Variants in CPSF4 observed in about 807,000 individuals in gnomAD.
The protein encoded by CPSF4 is cleavage and polyadenylation specific factor 4.
In CPSF4, 11 loss-of-function variants were observed where a neutral mutation model predicts 37.7. That is an observed-to-expected ratio of 0.29 (90% CI 0.18 to 0.48). The LOEUF is 0.48. Ranked by LOEUF, CPSF4 falls within the 20% of genes least tolerant of loss-of-function variation. CPSF4 has a pLI of 0.99. For synonymous variants in CPSF4, 132 were observed against 135.9 expected (o/e 0.97, Z 0.20); for missense variants, 144 against 359.5 (o/e 0.40, Z 4.85).
At chr7:99,443,547 T>G in intron 1 of CPSF4, 1 of 624,196 alleles carries the variant, frequency 1.6e-6, no homozygotes, top group South Asian at 1.7e-5. Context: ...TGGGGTGGGG[T>G]GCGGTGGCTC....
At chr7:99,446,978 A>G (rs922705908) in intron 2 of CPSF4, among the ~76,000 whole-genome samples, 3 of 150,428 alleles carry the variant, frequency 2.0e-5, no homozygotes, top group South Asian at 2.1e-4. Context: ...TTTAGTAGAG[A>G]CAGGGTTTCA....
intron 2 of CPSF4, among the ~76,000 whole-genome samples, chr7:99,447,579 T>C (rs910879769): frequency 6.7e-6 from 1 of 149,318 alleles, no homozygotes; most frequent in Non-Finnish European, 1.5e-5. Context: ...ATCTGTGAGA[T>C]CATGAGTAAC....
chr7:99,441,283 G>T lies in CPSF4; in HGVS notation c.103+2098G>T, dbSNP rs537124694. The T allele has an allele frequency of 1.7e-3, 691 of 402,454 alleles. 4 individuals are homozygous for T. Among genetic ancestry groups the T allele is most frequent in the African/African-American group, 0.012 (599 of 49,118 alleles). 24.9% of individuals were successfully genotyped at this position (402,454 alleles called of 1,614,324 possible). ...TCCTGTCTTGATGGCACTAGCTTGA[G>T]ACCATGGAACCACCCACGCAGGGCA... On this transcript the variant is annotated intron_variant, in intron 1 of 7. Transcript: ENST00000292476.
chr7:99,440,682 T>A (rs1321145194), intron 1 of CPSF4, among the ~76,000 whole-genome samples: 47 of 99,732 alleles, frequency 4.7e-4, no homozygotes, highest in African/African-American at 1.6e-3. Context: ...ATATTTTTTT[T>A]TTTTTTTTTT....
rs1056058652 is a variant in CPSF4, at chr7:99,453,846, G to A, written c.571-120G>A. 9 of 908,562 alleles carry A rather than the reference G, an allele frequency of 9.9e-6. No individual in the cohort carries two copies. Among genetic ancestry groups the A allele is most frequent in the South Asian group, 1.6e-5 (1 of 62,598 alleles). The allele number at this position is 908,562 out of a possible 1,614,324, so 56.3% of individuals were successfully genotyped here. On this transcript the variant is annotated intron_variant, in intron 6 of 7. Transcript: ENST00000292476. The surrounding 1 kb of genome is among the most constrained non-coding windows in gnomAD (Gnocchi z 4.7). Reference sequence around the variant, plus strand: ...GCCCACTGTCCTGAGGTGGGCCGTCGTGGAAGCCCTGCTTCCTGCCGTTTG... The same window carrying A: ...GCCCACTGTCCTGAGGTGGGCCGTCATGGAAGCCCTGCTTCCTGCCGTTTG...
chr7:99,444,719 A>G (rs1797330471), intron 1 of CPSF4, 70 bp from the exon 2 acceptor site: 1 of 1,457,156 alleles, frequency 6.9e-7, no homozygotes, highest in Non-Finnish European at 9.6e-7. Context: ...GTTCCCTCCC[A>G]CTGTCTTCAG....
intron 4 of CPSF4, 132 bp from the exon 5 acceptor site, chr7:99,450,570 G>A (rs1049009849): frequency 2.4e-6 from 2 of 823,678 alleles, no homozygotes; most frequent in Admixed American, 2.1e-5. Flanking sequence ...TTTTTGATAA[G>A]GAGGCCAGTG....
intron 6 of CPSF4, chr7:99,452,874 G>C (rs1445097839): frequency 6.0e-6 from 1 of 166,978 alleles, no homozygotes; most frequent in Non-Finnish European, 1.3e-5. Context: ...CACTGGGCAG[G>C]AGCAGGTGTG....
At chr7:99,454,259 A>G (rs1439052451) in intron 7 of CPSF4, 123 bp downstream of exon 7, 1 of 933,284 alleles carries the variant, frequency 1.1e-6, no homozygotes, top group Non-Finnish European at 1.6e-6. Context: ...GATTGTAAGC[A>G]TAAAGTTACA....
At chr7:99,442,365 C>G (rs1353561850) in intron 1 of CPSF4, among the ~76,000 whole-genome samples, 1 of 151,564 alleles carries the variant, frequency 6.6e-6, no homozygotes, top group Non-Finnish European at 1.5e-5. Context: ...TATTAACAAG[C>G]AACATAATCG....
Position 99,448,459 on chromosome 7 carries a change from CTTTTTTTTTT to C in CPSF4, c.307+198_307+207del. The C allele has an allele frequency of 3.1e-6, 1 of 320,912 alleles. No individual in the cohort carries two copies. The highest frequency in any genetic ancestry group is 6.3e-5 in the East Asian group (1 of 15,790). 19.9% of individuals were successfully genotyped at this position (320,912 alleles called of 1,614,324 possible). On this transcript the variant is annotated intron_variant, in intron 3 of 7. Coordinates refer to ENST00000292476, the MANE Select transcript of CPSF4 (RefSeq NM_006693.4). The surrounding 1 kb of genome is among the most constrained non-coding windows in gnomAD (Gnocchi z 4.4). ...CAGTGTGGCTATTTTCTGCTCATCTCTTTTTTTTTTTTTTTTTTTTTAAAGACATAGGGTC... is the reference window on the plus strand; with the variant it reads ...CAGTGTGGCTATTTTCTGCTCATCTCTTTTTTTTTTTAAAGACATAGGGTC...
Position 99,453,818 on chromosome 7 carries a change from G to A in CPSF4, c.571-148G>A. 1.5e-6 allele frequency: 1 copy of A among 678,174 alleles called. No individual in the cohort carries two copies. The allele number at this position is 678,174 out of a possible 1,614,324, so 42.0% of individuals were successfully genotyped here. A position where few individuals can be genotyped will look rare whatever the true frequency, so the allele number is the denominator to read the frequency against. Reference sequence around the variant, plus strand: ...TGCCATCATCACCACATGTTTCTCTGCTGCCCACTGTCCTGAGGTGGGCCG... The same window carrying A: ...TGCCATCATCACCACATGTTTCTCTACTGCCCACTGTCCTGAGGTGGGCCG... On this transcript the variant is annotated intron_variant, in intron 6 of 7. Transcript: ENST00000292476. The surrounding 1 kb of genome is among the most constrained non-coding windows in gnomAD (Gnocchi z 4.7).
intron 4 of CPSF4, 48 bp from the exon 5 acceptor site, chr7:99,450,654 C>CT (rs767402042): frequency 6.9e-5 from 100 of 1,447,948 alleles, no homozygotes; most frequent in Admixed American, 1.3e-4. Flanking sequence ...CTCCAGCTCT[C>CT]TAACTGGTAG....
Position 99,456,626 on chromosome 7 carries a change from C to T in CPSF4, c.*126C>T, listed in dbSNP as rs993224846. 7.9e-6 allele frequency: 6 copies of T among 762,166 alleles called. No individual in the cohort carries two copies. The highest frequency in any genetic ancestry group is 1.7e-5 in the African/African-American group (1 of 58,664). 47.2% of individuals were successfully genotyped at this position (762,166 alleles called of 1,614,324 possible). ...GCCCGCAGACACGTGGGTTTCATCA[C>T]TCTGAGGGGCCACGTCTGTTAGTTT... On this transcript the variant is annotated 3_prime_UTR_variant, in exon 8 of 8. Coordinates refer to ENST00000292476, the MANE Select transcript of CPSF4 (RefSeq NM_006693.4).
Sources: gnomAD v4.1 joint callset for allele counts (sites outside exome capture counted in the v4.1 genomes callset) on GRCh38, gnomAD v4.1.1 for gene constraint, Gnocchi (gnomAD v3.1) non-coding constraint, MANE v1.5 for transcripts, NCBI Gene and HGNC (gene_info 2026-07-23, HGNC 2026-07-21) for gene names.